Variants in AGBL1 observed in about 807,000 individuals in gnomAD.
AGBL1 encodes AGBL carboxypeptidase 1.
A neutral mutation model predicts 118.9 loss-of-function variants in AGBL1; 130 were observed. That is an observed-to-expected ratio of 1.09 (90% CI 0.95 to 1.26). The LOEUF (loss-of-function observed/expected upper bound fraction) is 1.26. AGBL1 is among the 50% of genes most tolerant of loss of function. The pLI is 0.00. For missense variants in AGBL1, 1,584 were observed against 1,298.1 expected (o/e 1.22, Z -3.38); for synonymous variants, 555 against 478.9 (o/e 1.16, Z -2.08).
rs551860588 is a variant in AGBL1, at chr15:86,975,980, T to C, written c.3222-12007T>C. Among the ~76,000 whole-genome samples the C allele has an allele frequency of 2.6e-5, 4 of 152,236 alleles. No homozygotes were observed. The South Asian group carries it at 8.3e-4, about 32-fold the overall frequency. ...TAAACTGTCTGCAGCTGCTCAGTAA[T>C]GATAGCTGAGTATGTGAATGAATAA... On this transcript the variant is annotated intron_variant, in intron 23 of 24. Transcript: ENST00000441037.
intron 18 of AGBL1, among the ~76,000 whole-genome samples, chr15:86,446,084 A>G (rs887135466): frequency 6.6e-6 from 1 of 152,178 alleles, no homozygotes; most frequent in African/African-American, 2.4e-5. Context: ...AAGACTATAC[A>G]CAGCTGGGAG....
chr15:86,117,008 A>G (rs931239635), intron 1 of AGBL1, among the ~76,000 whole-genome samples: 3 of 147,096 alleles, frequency 2.0e-5, no homozygotes, highest in Non-Finnish European at 4.5e-5. Context: ...TTAGTGATCT[A>G]TCAATGGTCA....
intron 23 of AGBL1, among the ~76,000 whole-genome samples, chr15:86,925,143 A>AGAGGAGGAG (rs1176964792): frequency 0.11 from 8,489 of 79,052 alleles, 535 homozygotes; most frequent in Non-Finnish European, 0.14. Flanking sequence ...AGGAAGAGGA[A>AGAGGAGGAG]GAGGAGGAGG....
At chr15:86,948,300 C>A (rs1456475409) in intron 23 of AGBL1, among the ~76,000 whole-genome samples, 2 of 151,782 alleles carry the variant, frequency 1.3e-5, no homozygotes, top group Non-Finnish European at 2.9e-5. Context: ...GTGTAAATGA[C>A]AGATTTAAAA....
At chr15:86,568,572 A>G (rs2142304674) in intron 21 of AGBL1, among the ~76,000 whole-genome samples, 1 of 152,360 alleles carries the variant, frequency 6.6e-6, no homozygotes, top group Non-Finnish European at 1.5e-5. Context: ...TGGATTAAGC[A>G]GTCTAAATCT....
chr15:86,342,472 G>C (rs1351739915), intron 17 of AGBL1, among the ~76,000 whole-genome samples: 1 of 152,114 alleles, frequency 6.6e-6, no homozygotes, highest in East Asian at 1.9e-4. Context: ...TAGTAATAAA[G>C]ATTAAATATT....
chr15:86,750,945 C>G (rs545253597), intron 22 of AGBL1, among the ~76,000 whole-genome samples: 185 of 152,154 alleles, frequency 1.2e-3, no homozygotes, highest in Non-Finnish European at 2.1e-3. Flanking sequence ...CCAGTTCCAT[C>G]CATGTCCCTG....
At chr15:86,674,027 C>T (rs560736885) in intron 21 of AGBL1, among the ~76,000 whole-genome samples, 12 of 152,222 alleles carry the variant, frequency 7.9e-5, no homozygotes, top group Admixed American at 7.2e-4. Context: ...CCCTTTATAA[C>T]CCCTACCAGC....
chr15:86,137,504 G>C (rs2076904776), intron 1 of AGBL1, among the ~76,000 whole-genome samples: 1 of 152,158 alleles, frequency 6.6e-6, no homozygotes, highest in Non-Finnish European at 1.5e-5. Context: ...GCTCCTTAGA[G>C]TTGATCTGGT....
intron 1 of AGBL1, among the ~76,000 whole-genome samples, chr15:86,106,430 T>C (rs1296648444): frequency 6.6e-6 from 1 of 152,252 alleles, no homozygotes; most frequent in African/African-American, 2.4e-5. Flanking sequence ...AAAACCTCCA[T>C]CTGATTTTCA....
intron 7 of AGBL1, among the ~76,000 whole-genome samples, chr15:86,255,723 T>C (rs1055616611): frequency 1.3e-5 from 2 of 152,044 alleles, no homozygotes; most frequent in Non-Finnish European, 1.5e-5. Context: ...TGGAGGTTGC[T>C]GTGAGCTGAG....
intron 23 of AGBL1, among the ~76,000 whole-genome samples, chr15:86,928,334 G>A (rs1037827302): frequency 1.3e-5 from 2 of 152,286 alleles, no homozygotes; most frequent in East Asian, 1.9e-4. Flanking sequence ...CACAGCTCAC[G>A]GTGGAAGGGA....
chr15:86,867,872 C>T (rs1002404529), intron 22 of AGBL1, among the ~76,000 whole-genome samples: 2 of 152,130 alleles, frequency 1.3e-5, no homozygotes, highest in Non-Finnish European at 2.9e-5. Flanking sequence ...CTAAGTTTAT[C>T]CATGGCCGTC....
intron 6 of AGBL1, among the ~76,000 whole-genome samples, chr15:86,243,838 G>A (rs1026802562): frequency 5.3e-5 from 8 of 151,908 alleles, no homozygotes; most frequent in African/African-American, 1.9e-4. Context: ...GTGAAACCCC[G>A]TCTCTACTAA....
chr15:86,489,758 T>G (rs1195807551), intron 18 of AGBL1, among the ~76,000 whole-genome samples: 1 of 152,134 alleles, frequency 6.6e-6, no homozygotes, highest in East Asian at 1.9e-4. Flanking sequence ...ATTTTGCCCT[T>G]GACTGAAAAA....
chr15:86,519,887 T>C (rs762133840), intron 18 of AGBL1, among the ~76,000 whole-genome samples: 2 of 152,228 alleles, frequency 1.3e-5, no homozygotes, highest in East Asian at 1.9e-4. Context: ...TTCTTAGATG[T>C]GGTCCTCCTT....
At chr15:86,192,316 T>G (rs568187268) in intron 5 of AGBL1, among the ~76,000 whole-genome samples, 1 of 150,030 alleles carries the variant, frequency 6.7e-6, no homozygotes, top group South Asian at 2.1e-4. Flanking sequence ...TTATTATATA[T>G]TTATATAAAT....
chr15:86,362,825 G>T (rs564296079), intron 17 of AGBL1, among the ~76,000 whole-genome samples: 47 of 152,204 alleles, frequency 3.1e-4, no homozygotes, highest in Non-Finnish European at 6.5e-4. Flanking sequence ...AGTTGAGGTG[G>T]ATGTGTTTCC....
Position 86,674,447 on chromosome 15 carries a change from C to T in AGBL1, c.3158+11C>T. 1 of 1,594,490 alleles carries T rather than the reference C, an allele frequency of 6.3e-7. No homozygotes were observed. The highest frequency in any genetic ancestry group is 1.7e-5 in the Admixed American group (1 of 59,160). Reference sequence around the variant, plus strand: ...CCAGCACCTCCAACGGTAAGATGCTCCCAAGGGCTCAGAGAAATTTGGACC... The same window carrying T: ...CCAGCACCTCCAACGGTAAGATGCTTCCAAGGGCTCAGAGAAATTTGGACC... On this transcript the variant is annotated intron_variant, in intron 22 of 22. Coordinates refer to ENST00000614907, the MANE Select transcript of AGBL1 (RefSeq NM_001386094.1).
Sources: gnomAD v4.1 joint callset for allele counts (sites outside exome capture counted in the v4.1 genomes callset) on GRCh38, gnomAD v4.1.1 for gene constraint, MANE v1.5 for transcripts, NCBI Gene and HGNC (gene_info 2026-07-23, HGNC 2026-07-21) for gene names.